PER3: variants seen among roughly 807,000 people sequenced by gnomAD.
PER3 encodes period circadian regulator 3.
A neutral mutation model predicts 127.2 loss-of-function variants in PER3; 107 were observed. The observed-to-expected ratio is 0.84, with a 90% CI of 0.72 to 0.99. The LOEUF is 0.99. Ranked by LOEUF, PER3 falls within the 50% of genes least tolerant of loss-of-function variation. PER3 has a pLI of 0.00. For missense variants in PER3, 1,560 were observed against 1,525.8 expected, an observed-to-expected ratio of 1.02 and a Z score of -0.37; for synonymous variants, 618 against 585.8, an observed-to-expected ratio of 1.05 and a Z score of -0.79.
chr1:7,819,003 C>T (rs2797685), intron 13 of PER3, among the ~76,000 whole-genome samples: 35,406 of 152,162 alleles, frequency 0.23, 4,869 homozygotes, highest in East Asian at 0.48. Flanking sequence ...TGGTTTCATT[C>T]CTTGATAATC....
chr1:7,821,300 C>T (rs556447802), intron 16 of PER3, among the ~76,000 whole-genome samples: 2 of 152,334 alleles, frequency 1.3e-5, no homozygotes, highest in East Asian at 1.9e-4. Context: ...TCAGCTAATA[C>T]GTGTTAAGCC....
chr1:7,842,589 C>A, intron 21 of PER3, 83 bp from the exon 22 acceptor site: 1 of 1,472,234 alleles, frequency 6.8e-7, no homozygotes, highest in Non-Finnish European at 9.2e-7. Context: ...GATTTAGAAA[C>A]ATGTGACCAG....
intron 7 of PER3, among the ~76,000 whole-genome samples, chr1:7,800,527 T>C (rs1438150473): frequency 6.6e-6 from 1 of 152,150 alleles, no homozygotes; most frequent in African/African-American, 2.4e-5. Flanking sequence ...AGCATTAGAA[T>C]AGAACTGACC....
At chr1:7,841,056 AT>A (rs1368499657) in intron 21 of PER3, among the ~76,000 whole-genome samples, 1 of 152,188 alleles carries the variant, frequency 6.6e-6, no homozygotes, top group Non-Finnish European at 1.5e-5. Flanking sequence ...CCTGGGCCAC[AT>A]TGTAAGAAGA....
At chr1:7,802,896 C>G in intron 8 of PER3, 151 bp from the exon 9 acceptor site, 1 of 631,956 alleles carries the variant, frequency 1.6e-6, no homozygotes, top group Non-Finnish European at 2.9e-6. Flanking sequence ...CCAGGATGGG[C>G]ACTTGGGTTC....
At chr1:7,793,616 T>A (rs559791277) in intron 5 of PER3, among the ~76,000 whole-genome samples, 22 of 152,350 alleles carry the variant, frequency 1.4e-4, no homozygotes, top group African/African-American at 5.0e-4. Flanking sequence ...TGGGATGGAA[T>A]ATTACCACCA....
chr1:7,798,226 G>C (rs190159237), intron 6 of PER3, among the ~76,000 whole-genome samples: 1 of 152,282 alleles, frequency 6.6e-6, no homozygotes, highest in East Asian at 1.9e-4. Flanking sequence ...ACAGCAGAAG[G>C]GGAAAAGTCA....
rs956862249 is a variant in PER3 at position 7,808,929 on chromosome 1, T to G, written c.1173T>G (p.Ile391Met). 6.2e-7 allele frequency: 1 copy of G among 1,602,406 alleles called. No homozygotes were observed. Among genetic ancestry groups the G allele is most frequent in the Admixed American group, 1.7e-5 (1 of 59,866 alleles). The change falls in exon 11 of 22, where the codon ATT (isoleucine) becomes ATG (methionine). Residue 391 changes from isoleucine to methionine, a missense_variant. This residue lies in a region of PER3 where 1,332 missense variants were observed against 1,223.6 expected (regional missense o/e 1.09). Transcript: ENST00000377532. Reference sequence around the variant, plus strand: ...ATGAGGATGTTTTTGCTACCAAAATTAAAAAGATGAACGATAATGACAAAG... The same window carrying G: ...ATGAGGATGTTTTTGCTACCAAAATGAAAAAGATGAACGATAATGACAAAG... Reference protein sequence around the residue: ...PLNEDVFATKIKKMNDNDKDI... With the variant: ...PLNEDVFATKMKKMNDNDKDI...
At chr1:7,804,311 C>CTT (rs79813451) in intron 10 of PER3, among the ~76,000 whole-genome samples, 55 of 120,454 alleles carry the variant, frequency 4.6e-4, no homozygotes, top group Non-Finnish European at 7.4e-4. Context: ...TTCTTTCTTT[C>CTT]TTTTTTTTTT....
At chr1:7,804,512 C>T in intron 10 of PER3, among the ~76,000 whole-genome samples, 1 of 151,476 alleles carries the variant, frequency 6.6e-6, no homozygotes, top group Non-Finnish European at 1.5e-5. Flanking sequence ...GTGATCCTCC[C>T]ACTTCAGCCT....
In PER3 at chr1:7,827,253, C is replaced by T. The variant is rs1290154819; in HGVS notation, c.2324C>T (p.Ala775Val). 1 of 1,613,962 alleles carries T rather than the reference C, an allele frequency of 6.2e-7. No homozygotes were observed. The highest frequency in any genetic ancestry group is 8.5e-7 in the Non-Finnish European group (1 of 1,179,926). The change falls in exon 18 of 22, where the codon GCA (alanine) becomes GTA (valine). Residue 775 changes from alanine (A) to valine (V), a missense_variant. Ala to Val is a moderately conservative substitution (Grantham distance 64). Transcript: ENST00000377532. ...CCCCGCAGGGGAGCGCATCAGAACG[C>T]ACAGCCCTGCTGCCCCTCCGCGGCC... ...SGPRRGAHQN[A>V]QPCCPSAASS...
intron 5 of PER3, among the ~76,000 whole-genome samples, chr1:7,790,190 C>T (rs916176323): frequency 7.9e-5 from 12 of 152,118 alleles, no homozygotes; most frequent in South Asian, 4.1e-4. Flanking sequence ...TCCATTCTTA[C>T]GCTGCTATAA....
chr1:7,827,168 C>A lies in PER3; in HGVS notation c.2239C>A (p.His747Asn). Residue 747 changes from histidine (H) to asparagine (N), a missense_variant, in exon 18 of 22, where the codon CAC becomes AAC. Physicochemically the swap from His to Asn is moderately conservative, Grantham distance 68. This residue lies in a region of PER3 where 1,332 missense variants were observed against 1,223.6 expected (regional missense o/e 1.09). Coordinates refer to ENST00000377532, the MANE Select transcript of PER3 (RefSeq NM_001377275.1). Reference sequence around the variant, plus strand: ...GTCGGCCGGCTGCAGGAAAGGGAAGCACAAGCGGAAGAAGCTGCCGGAGCC... The same window carrying A: ...GTCGGCCGGCTGCAGGAAAGGGAAGAACAAGCGGAAGAAGCTGCCGGAGCC... ...TRSAGCRKGKHKRKKLPEPPD... is the reference protein window; with the variant it reads ...TRSAGCRKGKNKRKKLPEPPD... 6.2e-7 allele frequency: 1 copy of A among 1,611,920 alleles called. No homozygotes were observed. Among genetic ancestry groups the A allele is most frequent in the Non-Finnish European group, 8.5e-7 (1 of 1,179,270 alleles).
chr1:7,808,724 CTTA>C (rs969995066), intron 10 of PER3, among the ~76,000 whole-genome samples, 166 bp from the exon 11 acceptor site: 1 of 152,090 alleles, frequency 6.6e-6, no homozygotes, highest in Admixed American at 6.5e-5. Context: ...TCATTTGTTT[CTTA>C]TTATTTTCTG....
chr1:7,810,255 TTTA>T (rs772811672), intron 12 of PER3, 180 bp from the exon 13 acceptor site: 4 of 620,480 alleles, frequency 6.4e-6, no homozygotes, highest in Non-Finnish European at 1.1e-5. Flanking sequence ...TGTGAACAGA[TTTA>T]TTTAGAATTT....
intron 13 of PER3, 127 bp downstream of exon 13, chr1:7,810,715 G>T: frequency 2.5e-6 from 2 of 802,008 alleles, no homozygotes; most frequent in Non-Finnish European, 3.8e-6. Flanking sequence ...TTCTTGATTT[G>T]CCTAGATAGC....
In PER3 at chr1:7,796,561, C is replaced by T. The variant is rs577342331; in HGVS notation, c.645-1964C>T. ...AACTCCTGGCCTCAAGTGATCCAAC[C>T]TCCTCGGCCTCCCAAAGTGTTGGGA... On this transcript the variant is annotated intron_variant, in intron 6 of 21. Coordinates refer to ENST00000377532, the MANE Select transcript of PER3 (RefSeq NM_001377275.1). 3.9e-5 allele frequency among the ~76,000 whole-genome samples: 6 copies of T among 152,074 alleles called. No individual in the cohort carries two copies. The East Asian group carries it at 7.7e-4, about 20-fold the overall frequency.
intron 16 of PER3, among the ~76,000 whole-genome samples, chr1:7,825,527 T>G (rs1372651340): frequency 1.3e-5 from 2 of 152,212 alleles, no homozygotes; most frequent in Admixed American, 6.5e-5. Flanking sequence ...ATGGTTAATG[T>G]ACGTATGTGC....
chr1:7,809,055 T>A (rs766590052), intron 11 of PER3, 57 bp downstream of exon 11: 11 of 814,732 alleles, frequency 1.4e-5, no homozygotes, highest in Non-Finnish European at 2.3e-5. Flanking sequence ...GTTTTAATGC[T>A]CAGTAAATTC....
Sources: allele counts gnomAD v4.1 joint callset (sites outside exome capture counted in the v4.1 genomes callset), GRCh38; gene constraint gnomAD v4.1.1; regional missense constraint gnomAD v4.1.1; transcripts MANE v1.5; gene names NCBI Gene and HGNC (gene_info 2026-07-23, HGNC 2026-07-21).